MACF1: variants seen among roughly 807,000 people sequenced by gnomAD.
MACF1 encodes the protein microtubule-actin cross-linking factor 1.
In MACF1, 193 loss-of-function variants were observed where a neutral mutation model predicts 854.8. The observed-to-expected ratio is 0.23, with a 90% CI of 0.20 to 0.25. The LOEUF (loss-of-function observed/expected upper bound fraction) is 0.25, where lower values mean the gene tolerates loss of function less well. MACF1 is among the 10% of genes least tolerant of loss of function. MACF1 has a pLI of 1.00. For synonymous variants in MACF1, 3,185 were observed against 3,226.7 expected, an observed-to-expected ratio of 0.99 and a Z score of 0.44; for missense variants, 7,722 against 8,929.1, an observed-to-expected ratio of 0.86 and a Z score of 5.45.
At position 39,485,726 on chromosome 1, in the gene MACF1, T is replaced by C; in HGVS notation, c.22600T>C (p.Ser7534Pro). ...CTCCAGGAGAGGGCTAAACAAACCTTCCAAAATCCCAACCATGTCTAAGAA... is the reference window on the plus strand; with the variant it reads ...CTCCAGGAGAGGGCTAAACAAACCTCCCAAAATCCCAACCATGTCTAAGAA... Reference protein sequence around the residue: ...GNSRRGLNKPSKIPTMSKKTT... With the variant: ...GNSRRGLNKPPKIPTMSKKTT... Residue 7534 changes from serine to proline, a missense_variant, in exon 101 of 101, where the codon TCC (serine) becomes CCC (proline). Physicochemically the swap from Ser to Pro is moderately conservative, Grantham distance 74. Around this residue, in one of 15 missense-constraint regions of MACF1, gnomAD observed 185 missense variants for 225.7 expected, o/e 0.82. Coordinates refer to ENST00000564288, the MANE Select transcript of MACF1 (RefSeq NM_001394062.1). 6.2e-7 allele frequency: 1 copy of C among 1,613,552 alleles called. No homozygotes were observed. The highest frequency in any genetic ancestry group is 8.5e-7 in the Non-Finnish European group (1 of 1,179,758).
intron 58 of MACF1, chr1:39,413,139 A>G: frequency 6.2e-7 from 1 of 1,612,288 alleles, no homozygotes; most frequent in Non-Finnish European, 8.5e-7. Context: ...GGGCTGCTTT[A>G]GCTATTACAG....
At chr1:39,115,918 T>C (rs1272213186) in intron 2 of MACF1, among the ~76,000 whole-genome samples, 1 of 152,216 alleles carries the variant, frequency 6.6e-6, no homozygotes, top group Non-Finnish European at 1.5e-5. Context: ...AGACTACAGA[T>C]GTCCAAAATA....
rs751751278 is a variant in MACF1 at position 39,335,482 on chromosome 1, A to G, written c.8894A>G (p.Gln2965Arg). 1.0e-4 allele frequency: 167 copies of G among 1,614,084 alleles called. No homozygotes were observed. The highest frequency in any genetic ancestry group is 1.3e-4 in the Non-Finnish European group (155 of 1,180,036). Residue 2965 changes from glutamine (Q) to arginine (R), a missense_variant, in exon 37 of 101, where the codon CAA becomes CGA. Physicochemically the swap from Gln to Arg is conservative, Grantham distance 43. Coordinates refer to ENST00000564288, the MANE Select transcript of MACF1 (RefSeq NM_001394062.1). ...TTGCCGAGTGAGCAGGTTTTGCAGCAACCAATGAATGCTCGGGTGAAAAGT... is the reference window on the plus strand; with the variant it reads ...TTGCCGAGTGAGCAGGTTTTGCAGCGACCAATGAATGCTCGGGTGAAAAGT... ...GKLPSEQVLQ[Q>R]PMNARVKSKR...
chr1:39,412,296 A>G (rs1643047538), intron 58 of MACF1: 2 of 1,613,908 alleles, frequency 1.2e-6, no homozygotes, highest in Non-Finnish European at 8.5e-7. Flanking sequence ...AATCAAATTT[A>G]CTAACAGATG....
chr1:39,292,720 C>T, intron 16 of MACF1, 46 bp from the exon 17 acceptor site: 2 of 1,352,358 alleles, frequency 1.5e-6, no homozygotes, highest in Non-Finnish European at 2.1e-6. Flanking sequence ...ACGTAGTTTA[C>T]TTACTCTTTC....
chr1:39,465,893 G>GA (rs1644658157), intron 95 of MACF1, among the ~76,000 whole-genome samples: 1 of 152,100 alleles, frequency 6.6e-6, no homozygotes, highest in Admixed American at 6.5e-5. Flanking sequence ...GGGGATAAGA[G>GA]AAAAAAACTA....
At chr1:39,239,613 A>G (rs910042874) in intron 2 of MACF1, among the ~76,000 whole-genome samples, 3 of 152,208 alleles carry the variant, frequency 2.0e-5, no homozygotes. Flanking sequence ...TCTATGCCAT[A>G]TCTCTGGGTG....
At chr1:39,312,842 C>CA (rs1646329315) in intron 26 of MACF1, among the ~76,000 whole-genome samples, 1 of 152,058 alleles carries the variant, frequency 6.6e-6, no homozygotes, top group African/African-American at 2.4e-5. Context: ...AACAAACAAG[C>CA]AAACAAACAT....
intron 51 of MACF1, among the ~76,000 whole-genome samples, chr1:39,370,700 G>T (rs1649149209): frequency 6.6e-6 from 1 of 152,154 alleles, no homozygotes; most frequent in Non-Finnish European, 1.5e-5. Context: ...ACTTCATCCT[G>T]AGCAGATGAA....
In MACF1 at chr1:39,354,996, G is replaced by T. The variant is rs571221397; in HGVS notation, c.11424+1765G>T. Among the ~76,000 whole-genome samples, 283 of 152,334 alleles carry T rather than the reference G, an allele frequency of 1.9e-3. 1 individual carries two copies. Among genetic ancestry groups the T allele is most frequent in the Non-Finnish European group, 3.4e-3 (232 of 68,028 alleles). On this transcript the variant is annotated intron_variant, in intron 44 of 100. Transcript: ENST00000564288. ...CATATACAGGCACATTCTATTGAAT[G>T]ATTGAAAGAAGATTACATATTTAGG...
At chr1:39,441,609 G>T (rs1644119382) in intron 74 of MACF1, among the ~76,000 whole-genome samples, 1 of 152,188 alleles carries the variant, frequency 6.6e-6, no homozygotes, top group Non-Finnish European at 1.5e-5. Context: ...TTGCTTGCCA[G>T]AGGTTCCAAA....
At chr1:39,371,980 A>ATT (rs537622524) in intron 51 of MACF1, among the ~76,000 whole-genome samples, 1 of 148,470 alleles carries the variant, frequency 6.7e-6, no homozygotes, top group Non-Finnish European at 1.5e-5. Context: ...CGCCCGGCTA[A>ATT]TTTTTTTTTT....
chr1:39,432,005 G>A (rs964401174), intron 66 of MACF1, among the ~76,000 whole-genome samples: 1 of 152,128 alleles, frequency 6.6e-6, no homozygotes, highest in Non-Finnish European at 1.5e-5. Flanking sequence ...GGAGGATTGG[G>A]GAGCCCTCAT....
At chr1:39,386,274 C>CCA (rs10650940) in intron 57 of MACF1, among the ~76,000 whole-genome samples, 4,375 of 148,284 alleles carry the variant, frequency 0.03, 228 homozygotes, top group African/African-American at 0.1. Flanking sequence ...ATTATGCATA[C>CCA]CACACACACA....
intron 2 of MACF1, among the ~76,000 whole-genome samples, chr1:39,110,038 TAAAATACAA>T (rs1309356997): frequency 6.7e-5 from 10 of 150,338 alleles, no homozygotes; most frequent in Non-Finnish European, 1.3e-4. Flanking sequence ...CAAAATAAAA[TAAAATACAA>T]AAAATACAAG....
At chr1:39,246,812 T>G (rs1274656860) in intron 2 of MACF1, among the ~76,000 whole-genome samples, 1 of 151,942 alleles carries the variant, frequency 6.6e-6, no homozygotes, top group Non-Finnish European at 1.5e-5. Context: ...GGTTTTGAAA[T>G]CTTGGAGCCC....
At chr1:39,381,418 A>T (rs953814746) in intron 55 of MACF1, among the ~76,000 whole-genome samples, 1 of 127,844 alleles carries the variant, frequency 7.8e-6, no homozygotes, top group Non-Finnish European at 1.5e-5. Context: ...CCCAGGCTGG[A>T]GTACAGTGGC....
chr1:39,310,506 A>C (rs1646278568), intron 25 of MACF1, 78 bp downstream of exon 25: 4 of 1,434,674 alleles, frequency 2.8e-6, no homozygotes, highest in Non-Finnish European at 3.8e-6. Flanking sequence ...CCTTCATATA[A>C]ATGAGAGAGT....
intron 63 of MACF1, 75 bp downstream of exon 63, chr1:39,428,362 A>G: frequency 2.9e-6 from 4 of 1,365,696 alleles, no homozygotes; most frequent in South Asian, 1.5e-5. Flanking sequence ...CTCTTCATTT[A>G]TTTTTTTTTC....
Sources: gnomAD v4.1 joint callset for allele counts (sites outside exome capture counted in the v4.1 genomes callset) on GRCh38, gnomAD v4.1.1 for gene constraint, gnomAD v4.1.1 regional missense constraint, MANE v1.5 for transcripts, NCBI Gene and HGNC (gene_info 2026-07-23, HGNC 2026-07-21) for gene names.